TAF1D: variants seen among roughly 807,000 people sequenced by gnomAD.
TAF1D encodes TATA box-binding protein-associated factor RNA polymerase I subunit D.
TAF1D carries 23 observed loss-of-function variants against 26.2 expected under a neutral mutation model. The observed-to-expected ratio is 0.88, with a 90% CI of 0.63 to 1.25. The LOEUF is 1.25. Ranked by LOEUF, TAF1D falls within the 50% of genes most tolerant of loss-of-function variation. The pLI is 0.00. For synonymous variants in TAF1D, 100 were observed against 105.6 expected (o/e 0.95, Z 0.33); for missense variants, 299 against 322.0 (o/e 0.93, Z 0.55).
At chr11:93,736,779 T>C in intron 4 of TAF1D, 28 bp from the exon 5 acceptor site, 3 of 1,591,130 alleles carry the variant, frequency 1.9e-6, no homozygotes, top group Non-Finnish European at 2.6e-6. Flanking sequence ...ATCATCGAGA[T>C]GACAGAATCT....
At chr11:93,736,539 TA>T (rs1940809330) in intron 5 of TAF1D, 154 bp downstream of exon 5, 1 of 1,420,986 alleles carries the variant, frequency 7.0e-7, no homozygotes, top group South Asian at 1.6e-5. Context: ...ATCAAGTCTC[TA>T]AAAAATTATT....
At chr11:93,732,895 A>C, downstream of TAF1D, 1 of 235,964 alleles carries the variant, frequency 4.2e-6, no homozygotes, top group Non-Finnish European at 8.5e-6. Context: ...GATGCAAAGA[A>C]CACAGGTAGT....
Position 93,736,303 on chromosome 11 carries a change from C to T in TAF1D, c.695G>A (p.Gly232Glu). Reference sequence around the variant, plus strand: ...TTCAGAACTTACTATGAAACTATCCCCCTGCATAAAACAAACAAAAAATCA... The same window carrying T: ...TTCAGAACTTACTATGAAACTATCCTCCTGCATAAAACAAACAAAAAATCA... ...EDNECDIKLAGDSFIVSSEFP... is the reference protein window; with the variant it reads ...EDNECDIKLAEDSFIVSSEFP... Residue 232 changes from glycine to glutamate, a missense_variant and splice_region_variant, in exon 6 of 6, where the codon GGG becomes GAG. By Grantham distance (98) the Gly-to-Glu change is moderately conservative (BLOSUM62 -2). Transcript: ENST00000448108. 6.3e-7 allele frequency: 1 copy of T among 1,599,214 alleles called. No individual in the cohort carries two copies. Among genetic ancestry groups the T allele is most frequent in the Non-Finnish European group, 8.5e-7 (1 of 1,176,082 alleles).
chr11:93,740,193 G>A (rs1290974662), intron 1 of TAF1D, among the ~76,000 whole-genome samples: 10 of 151,418 alleles, frequency 6.6e-5, no homozygotes. Flanking sequence ...CTGTGGTCAG[G>A]AGGCTGGGGT....
downstream of TAF1D, chr11:93,730,905 A>C: frequency 2.1e-6 from 1 of 468,058 alleles, no homozygotes; most frequent in Non-Finnish European, 4.2e-6. Context: ...AGAATTTTCA[A>C]ATCTCACTGA....
downstream of TAF1D, chr11:93,732,620 C>T (rs1939444430): frequency 8.5e-6 from 3 of 354,176 alleles, no homozygotes; most frequent in Admixed American, 7.0e-5. Flanking sequence ...CTAATTGTCA[C>T]TGTAATAAGG....
At chr11:93,732,315 T>C, downstream of TAF1D, 1 of 510,176 alleles carries the variant, frequency 2.0e-6, no homozygotes, top group Non-Finnish European at 3.9e-6. Context: ...CATTGCTTAC[T>C]ATTTTAGAGT....
intron 4 of TAF1D, 99 bp downstream of exon 4, chr11:93,736,965 T>C: frequency 8.5e-7 from 1 of 1,174,294 alleles, no homozygotes; most frequent in East Asian, 2.6e-5. Flanking sequence ...CTTTGTTCAT[T>C]ATTTAAGTAT....
Position 93,738,208 on chromosome 11 carries a change from TATTA to T in TAF1D, c.356_359del (p.Leu119GlnfsTer17). 1 of 1,607,614 alleles carries T rather than the reference TATTA, an allele frequency of 6.2e-7. No individual in the cohort carries two copies. Among genetic ancestry groups the T allele is most frequent in the Non-Finnish European group, 8.5e-7 (1 of 1,178,606 alleles). ...TGCTTCTAAATTGTTTCTTCTTATC[TATTA>T]GTGAGTATATAGGATTTCTCCTTCC... On this transcript the variant is annotated frameshift_variant, in exon 3 of 6. Coordinates refer to ENST00000448108, the MANE Select transcript of TAF1D (RefSeq NM_024116.4). LOFTEE classifies it high-confidence loss of function.
intron 2 of TAF1D, chr11:93,738,966 C>T: frequency 2.1e-6 from 1 of 469,744 alleles, no homozygotes. Flanking sequence ...ACACAGCCTA[C>T]CGAACCGGAG....
At position 93,739,307 on chromosome 11, in the gene TAF1D, ATTGCTCTTTGT is replaced by A; in HGVS notation, c.-14_-4del. On this transcript the variant is annotated 5_prime_UTR_variant, in exon 2 of 6. Coordinates refer to ENST00000448108, the MANE Select transcript of TAF1D (RefSeq NM_024116.4). ...GAATCTATTCCTGATTTATCCATCA[ATTGCTCTTTGT>A]TTTAAACAGTTTTCTGAAATTATGA... 2 of 1,604,318 alleles carry A rather than the reference ATTGCTCTTTGT, an allele frequency of 1.2e-6. No individual in the cohort carries two copies. The highest frequency in any genetic ancestry group is 2.3e-5 in the South Asian group (2 of 88,340).
At chr11:93,740,314 G>A (rs1941650709) in intron 1 of TAF1D, among the ~76,000 whole-genome samples, 1 of 151,500 alleles carries the variant, frequency 6.6e-6, no homozygotes, top group Non-Finnish European at 1.5e-5. Flanking sequence ...AGGTGTGTTG[G>A]CCCGTGCCTT....
At chr11:93,730,879 ATT>A, downstream of TAF1D, 2 of 444,774 alleles carry the variant, frequency 4.5e-6, no homozygotes, top group South Asian at 3.5e-5. Context: ...AATTTGCATG[ATT>A]CAAGAGATCT....
intron 1 of TAF1D, 139 bp from the exon 2 acceptor site, chr11:93,739,470 A>C (rs1384601472): frequency 1.5e-5 from 8 of 533,522 alleles, no homozygotes; most frequent in Non-Finnish European, 1.9e-5. Context: ...TATCCATTTC[A>C]GATCAGTTTC....
chr11:93,731,123 A>ATC (rs748060783), downstream of TAF1D: 14 of 496,944 alleles, frequency 2.8e-5, no homozygotes, highest in South Asian at 2.1e-4. Context: ...CAAATAACTT[A>ATC]TAGTTAAGAT....
rs767440909 is a variant in TAF1D at position 93,737,054 on chromosome 11, T to C, written c.635+10A>G. The C allele has an allele frequency of 6.4e-7, 1 of 1,568,138 alleles. No homozygotes were observed. Among genetic ancestry groups the C allele is most frequent in the East Asian group, 2.3e-5 (1 of 44,230 alleles). On this transcript the variant is annotated intron_variant, in intron 4 of 5. Coordinates refer to ENST00000448108, the MANE Select transcript of TAF1D (RefSeq NM_024116.4). ...CCTATTACCAAAGTATTTCATATGA[T>C]TCCACTTACGTTGACTCCTCAATAG...
Position 93,735,739 on chromosome 11 carries a change from C to CA in TAF1D, c.*421dup. On this transcript the variant is annotated 3_prime_UTR_variant, in exon 6 of 6. Coordinates refer to ENST00000448108, the MANE Select transcript of TAF1D (RefSeq NM_024116.4). Reference sequence around the variant, plus strand: ...GGTTATTACAATACTAAGCATCTGACAGGTCACTTGTCATGGCTGAACAAA... The same window carrying CA: ...GGTTATTACAATACTAAGCATCTGACAAGGTCACTTGTCATGGCTGAACAAA... 1 of 1,034,810 alleles carries CA rather than the reference C, an allele frequency of 9.7e-7. No homozygotes were observed. 64.1% of individuals were successfully genotyped at this position (1,034,810 alleles called of 1,614,324 possible).
At chr11:93,734,723 G>T (rs1416471806), downstream of TAF1D, 1 of 1,286,428 alleles carries the variant, frequency 7.8e-7, no homozygotes, top group Non-Finnish European at 1.0e-6. Flanking sequence ...AATTAATACT[G>T]CTGAGGATTT....
downstream of TAF1D, chr11:93,733,855 C>G (rs536042777): frequency 6.4e-6 from 1 of 156,914 alleles, no homozygotes; most frequent in East Asian, 1.9e-4. Flanking sequence ...GTCTAACACT[C>G]CATAGGAAAG....
Sources: gnomAD v4.1 joint callset for allele counts (sites outside exome capture counted in the v4.1 genomes callset) on GRCh38, gnomAD v4.1.1 for gene constraint, MANE v1.5 for transcripts, NCBI Gene and HGNC (gene_info 2026-07-23, HGNC 2026-07-21) for gene names.